The following PDE4D variants were observed in gnomAD, a reference collection of about 807,000 sequenced individuals.
PDE4D encodes the protein phosphodiesterase 4D.
Under a neutral mutation model 87.4 loss-of-function variants are expected in PDE4D, and 24 were observed. The ratio of observed to expected loss-of-function variants is 0.27; its 90% CI spans 0.20 to 0.39. The LOEUF is 0.39. Ranked by LOEUF, PDE4D falls within the 10% of genes least tolerant of loss-of-function variation. The pLI, the probability that PDE4D is intolerant of heterozygous loss-of-function variation, is 1.00. For synonymous variants in PDE4D, 384 were observed against 383.2 expected, an observed-to-expected ratio of 1.00 and a Z score of -0.02; for missense variants, 714 against 1,041.0, an observed-to-expected ratio of 0.69 and a Z score of 4.32.
chr5:59,985,703 A>T (rs553124043), intron 3 of PDE4D, among the ~76,000 whole-genome samples: 1 of 152,342 alleles, frequency 6.6e-6, no homozygotes, highest in South Asian at 2.1e-4. Flanking sequence ...AATAGTAAGC[A>T]TGACATTGCT....
chr5:59,744,549 A>G (rs776113220), intron 1 of PDE4D, among the ~76,000 whole-genome samples: 2 of 152,146 alleles, frequency 1.3e-5, no homozygotes, highest in Non-Finnish European at 2.9e-5. Context: ...TATAGAACTC[A>G]TCATGAGGTC....
chr5:59,629,906 TTTC>T (rs1166109180), intron 1 of PDE4D, among the ~76,000 whole-genome samples: 1 of 152,190 alleles, frequency 6.6e-6, no homozygotes, highest in Non-Finnish European at 1.5e-5. Flanking sequence ...GGTCTCAGTG[TTTC>T]TTATTATACT....
chr5:59,898,894 A>T (rs151132687), intron 3 of PDE4D, among the ~76,000 whole-genome samples: 6 of 152,244 alleles, frequency 3.9e-5, no homozygotes, highest in African/African-American at 1.4e-4. Context: ...AACAGATATG[A>T]CAGAAGGAAG....
intron 1 of PDE4D, among the ~76,000 whole-genome samples, chr5:59,547,507 G>T (rs192043703): frequency 6.6e-6 from 1 of 151,406 alleles, no homozygotes; most frequent in Non-Finnish European, 1.5e-5. Flanking sequence ...TCAAGTAAAC[G>T]TTCACTTTTT....
intron 2 of PDE4D, among the ~76,000 whole-genome samples, chr5:60,182,531 C>T (rs1784446986): frequency 6.6e-6 from 1 of 152,152 alleles, no homozygotes; most frequent in Admixed American, 6.5e-5. Flanking sequence ...ACTCAGGAGG[C>T]TGAGACAGGA....
intron 2 of PDE4D, among the ~76,000 whole-genome samples, chr5:60,106,631 A>G (rs1347685684): frequency 6.6e-6 from 1 of 151,752 alleles, no homozygotes; most frequent in Non-Finnish European, 1.5e-5. Flanking sequence ...CAGCAAATGT[A>G]AAAGAACAGA....
intron 1 of PDE4D, among the ~76,000 whole-genome samples, chr5:59,649,507 G>T: frequency 6.6e-6 from 1 of 151,984 alleles, no homozygotes. Flanking sequence ...ATGAGTAATG[G>T]GAAGCCAGAA....
chr5:59,521,257 G>C (rs1812187648), intron 1 of PDE4D, among the ~76,000 whole-genome samples: 1 of 152,154 alleles, frequency 6.6e-6, no homozygotes, highest in Admixed American at 6.5e-5. Flanking sequence ...TGGAGGAGCA[G>C]ATATCTTGTC....
chr5:60,213,419 T>C (rs1743479965), intron 1 of PDE4D, among the ~76,000 whole-genome samples: 1 of 152,178 alleles, frequency 6.6e-6, no homozygotes, highest in African/African-American at 2.4e-5. Flanking sequence ...ATTTCCATCA[T>C]ACTATACGTT....
At chr5:59,895,673 T>C (rs1751558563), upstream of PDE4D, among the ~76,000 whole-genome samples, 3 of 152,332 alleles carry the variant, frequency 2.0e-5, no homozygotes, top group Admixed American at 6.5e-5. Flanking sequence ...TCCAAAACCA[T>C]TTTAAAGAAG....
At chr5:59,574,761 C>T (rs1822851629) in intron 1 of PDE4D, among the ~76,000 whole-genome samples, 1 of 152,170 alleles carries the variant, frequency 6.6e-6, no homozygotes, top group African/African-American at 2.4e-5. Flanking sequence ...GATACAACTG[C>T]CTTCCCTAAT....
chr5:59,518,837 A>C, intron 1 of PDE4D, among the ~76,000 whole-genome samples: 1 of 152,358 alleles, frequency 6.6e-6, no homozygotes, highest in East Asian at 1.9e-4. Flanking sequence ...TCTTCATTTA[A>C]AGAAGAAACT....
chr5:59,375,462 T>A (rs945587468), intron 1 of PDE4D, among the ~76,000 whole-genome samples: 1 of 152,012 alleles, frequency 6.6e-6, no homozygotes, highest in Non-Finnish European at 1.5e-5. Flanking sequence ...TTCCTGGACA[T>A]ACATACTCTC....
intron 5 of PDE4D, among the ~76,000 whole-genome samples, chr5:59,115,568 C>T (rs887448220): frequency 3.3e-5 from 5 of 152,148 alleles, no homozygotes; most frequent in Non-Finnish European, 5.9e-5. Context: ...TGGCTAATGA[C>T]CTACATTATC....
At chr5:59,018,524 T>A (rs561653886) in intron 6 of PDE4D, among the ~76,000 whole-genome samples, 6 of 152,230 alleles carry the variant, frequency 3.9e-5, no homozygotes, top group South Asian at 2.1e-4. Context: ...AGGATTAAGA[T>A]CCTTAACCAA....
chr5:59,993,516 A>G (rs529494347), intron 2 of PDE4D, among the ~76,000 whole-genome samples: 1 of 152,328 alleles, frequency 6.6e-6, no homozygotes, highest in East Asian at 1.9e-4. Context: ...AACAGATTAT[A>G]GAGTGCTCCC....
chr5:59,364,203 T>A (rs1025836949), intron 1 of PDE4D, among the ~76,000 whole-genome samples: 2 of 152,214 alleles, frequency 1.3e-5, no homozygotes, highest in Non-Finnish European at 2.9e-5. Context: ...ATTAGGCTAT[T>A]ATTAATAAGA....
chr5:60,300,431 T>G (rs1753791677), intron 1 of PDE4D, among the ~76,000 whole-genome samples: 1 of 152,232 alleles, frequency 6.6e-6, no homozygotes. Context: ...ATTTCTGCTT[T>G]TGTTGCAATT....
At chr5:59,375,804 C>A (rs1425123898) in intron 1 of PDE4D, among the ~76,000 whole-genome samples, 1 of 152,150 alleles carries the variant, frequency 6.6e-6, no homozygotes, top group African/African-American at 2.4e-5. Flanking sequence ...TACTGGCAAA[C>A]CAAATCCAGT....
Sources: allele counts gnomAD v4.1 joint callset (sites outside exome capture counted in the v4.1 genomes callset), GRCh38; gene constraint gnomAD v4.1.1; transcripts MANE v1.5; gene names NCBI Gene and HGNC (gene_info 2026-07-23, HGNC 2026-07-21).